Variants in G3BP2 observed in about 807,000 individuals in gnomAD.
G3BP2 encodes G3BP stress granule assembly factor 2.
In G3BP2, 11 loss-of-function variants were observed where a neutral mutation model predicts 56.7. The observed-to-expected ratio is 0.19, with a 90% CI of 0.12 to 0.32. The LOEUF (loss-of-function observed/expected upper bound fraction) is 0.32. G3BP2 is among the 10% of genes least tolerant of loss of function. The pLI, the probability that G3BP2 is intolerant of heterozygous loss-of-function variation, is 1.00. For synonymous variants in G3BP2, 165 were observed against 191.6 expected (o/e 0.86, Z 1.15); for missense variants, 340 against 610.9 (o/e 0.56, Z 4.67).
At chr4:75,693,315 C>T (rs955952737) in intron 3 of G3BP2, among the ~76,000 whole-genome samples, 1 of 152,108 alleles carries the variant, frequency 6.6e-6, no homozygotes, top group African/African-American at 2.4e-5. Flanking sequence ...TCGAAAAAGA[C>T]GACAGTCTGG....
rs1264797585 is a variant in G3BP2 at position 75,703,859 on chromosome 4, T to TA, written c.-25+17017dup. 3.3e-5 allele frequency among the ~76,000 whole-genome samples: 5 copies of TA among 152,350 alleles called. No individual in the cohort carries two copies. In the East Asian group the frequency reaches 9.6e-4, roughly 29 times the overall value. ...TTCCAAGGTCATTTCATTTTCTTATTATTAGAGTTTAATTAAATGATAATT... is the reference window on the plus strand; with the variant it reads ...TTCCAAGGTCATTTCATTTTCTTATTAATTAGAGTTTAATTAAATGATAATT... On this transcript the variant is annotated intron_variant, in intron 3 of 3. Coordinates refer to the G3BP2 transcript ENST00000499709.
At chr4:75,646,862 G>GT (rs1731242490) in intron 10 of G3BP2, among the ~76,000 whole-genome samples, 167 bp downstream of exon 10, 1 of 151,280 alleles carries the variant, frequency 6.6e-6, no homozygotes, top group African/African-American at 2.5e-5. Flanking sequence ...TGAGAAACAT[G>GT]TGAGATAAGT....
intron 11 of G3BP2, 127 bp from the exon 12 acceptor site, chr4:75,645,829 G>T (rs895405091): frequency 2.5e-6 from 2 of 794,694 alleles, no homozygotes; most frequent in Non-Finnish European, 4.0e-6. Context: ...ACCCCCCAGA[G>T]ATAGGGTCTC....
intron 5 of G3BP2, among the ~76,000 whole-genome samples, chr4:75,656,690 C>T (rs1405591517): frequency 6.6e-6 from 1 of 152,152 alleles, no homozygotes; most frequent in Non-Finnish European, 1.5e-5. Context: ...ACTTGGTTAT[C>T]TACAGAGGAT....
intron 1 of G3BP2, among the ~76,000 whole-genome samples, chr4:75,667,757 G>A (rs954051550): frequency 6.6e-6 from 1 of 152,112 alleles, no homozygotes. Flanking sequence ...AGGCCTGGTG[G>A]TACGCGCCTA....
upstream of G3BP2, chr4:75,673,909 C>T (rs770521402): frequency 1.3e-4 from 21 of 166,642 alleles, no homozygotes; most frequent in Non-Finnish European, 2.6e-4. Flanking sequence ...CTTAACCCAT[C>T]CTAGGTTTTA....
At chr4:75,711,322 G>GAA (rs60433756) in intron 3 of G3BP2, among the ~76,000 whole-genome samples, 3 of 107,570 alleles carry the variant, frequency 2.8e-5, no homozygotes, top group African/African-American at 7.2e-5. Flanking sequence ...CCATCTCAAA[G>GAA]AAAAAAAAAA....
intron 3 of G3BP2, among the ~76,000 whole-genome samples, chr4:75,709,060 T>C (rs550406310): frequency 2.6e-5 from 4 of 151,902 alleles, no homozygotes; most frequent in African/African-American, 9.7e-5. Context: ...AAGTGAGTCA[T>C]AACCAGTCAC....
intron 3 of G3BP2, among the ~76,000 whole-genome samples, chr4:75,718,144 A>C (rs1720000753): frequency 6.6e-6 from 1 of 151,590 alleles, no homozygotes; most frequent in Non-Finnish European, 1.5e-5. Context: ...CAAAAAAAAA[A>C]TTACAAATAA....
At chr4:75,683,030 C>T (rs989070514) in intron 3 of G3BP2, among the ~76,000 whole-genome samples, 5 of 151,998 alleles carry the variant, frequency 3.3e-5, no homozygotes, top group Middle Eastern at 3.4e-3. Context: ...ATAGACACAG[C>T]GCATTGTGAC....
chr4:75,676,296 C>G (rs1248480952), upstream of G3BP2, among the ~76,000 whole-genome samples: 1 of 148,766 alleles, frequency 6.7e-6, no homozygotes, highest in Non-Finnish European at 1.5e-5. Flanking sequence ...CCAAAAACCT[C>G]TTTTTCTCAC....
chr4:75,687,928 G>C (rs1413275784), intron 3 of G3BP2, among the ~76,000 whole-genome samples: 1 of 152,204 alleles, frequency 6.6e-6, no homozygotes, highest in African/African-American at 2.4e-5. Flanking sequence ...TATTAGGAGG[G>C]TGTTAAGTTA....
chr4:75,713,017 CAAAT>C (rs1719812865), intron 3 of G3BP2, among the ~76,000 whole-genome samples: 1 of 151,996 alleles, frequency 6.6e-6, no homozygotes, highest in South Asian at 2.1e-4. Flanking sequence ...CAAAACAAAA[CAAAT>C]AAACAAAACC....
intron 3 of G3BP2, among the ~76,000 whole-genome samples, chr4:75,707,230 A>G (rs1165450360): frequency 1.3e-5 from 2 of 151,752 alleles, no homozygotes; most frequent in East Asian, 3.9e-4. Flanking sequence ...AAAGACAGGT[A>G]TGTACGGGAC....
intron 3 of G3BP2, among the ~76,000 whole-genome samples, chr4:75,678,820 G>T (rs1055590447): frequency 1.1e-4 from 17 of 152,192 alleles, no homozygotes; most frequent in Middle Eastern, 6.8e-3. Context: ...ACCTTATTAG[G>T]GTACAGTAAG....
chr4:75,682,732 A>G (rs1053908695), intron 3 of G3BP2, among the ~76,000 whole-genome samples: 2 of 152,130 alleles, frequency 1.3e-5, no homozygotes, highest in Non-Finnish European at 2.9e-5. Flanking sequence ...CTGTAATCCC[A>G]GCACTTTGGG....
chr4:75,718,349 G>C (rs1720011890), intron 3 of G3BP2, among the ~76,000 whole-genome samples: 1 of 151,846 alleles, frequency 6.6e-6, no homozygotes, highest in Non-Finnish European at 1.5e-5. Flanking sequence ...TTTGCTTGCT[G>C]ATTTAAGTAC....
upstream of G3BP2, among the ~76,000 whole-genome samples, chr4:75,676,334 TA>T (rs1733875169): frequency 1.2e-4 from 16 of 134,206 alleles, no homozygotes; most frequent in Admixed American, 1.3e-3. Context: ...CAATTGCCAA[TA>T]ATTTTTTTTT....
intron 3 of G3BP2, among the ~76,000 whole-genome samples, chr4:75,684,096 T>C (rs1390897412): frequency 6.6e-6 from 1 of 152,040 alleles, no homozygotes; most frequent in African/African-American, 2.4e-5. Flanking sequence ...TAAGCAGAAC[T>C]GGAAAAAGAT....
Sources: gnomAD v4.1 joint callset for allele counts (sites outside exome capture counted in the v4.1 genomes callset) on GRCh38, gnomAD v4.1.1 for gene constraint, MANE v1.5 for transcripts, NCBI Gene and HGNC (gene_info 2026-07-23, HGNC 2026-07-21) for gene names.